The following GPC6 variants were observed in gnomAD, a reference collection of about 807,000 sequenced individuals.
The protein encoded by GPC6 is glypican 6.
GPC6 carries 14 observed loss-of-function variants against 55.2 expected under a neutral mutation model. The observed-to-expected ratio is 0.25, with a 90% CI of 0.17 to 0.40. GPC6 has a LOEUF of 0.40. Ranked by LOEUF, GPC6 falls within the 10% of genes least tolerant of loss-of-function variation. The probability of loss-of-function intolerance (pLI) is 1.00; values close to 1 mark genes in which losing one functional copy is unlikely to be tolerated. For synonymous variants in GPC6, 278 were observed against 259.6 expected (o/e 1.07, Z -0.68); for missense variants, 641 against 708.5 (o/e 0.90, Z 1.08).
chr13:93,972,331 G>A (rs1162752552), intron 3 of GPC6, among the ~76,000 whole-genome samples: 2 of 152,168 alleles, frequency 1.3e-5, no homozygotes, highest in Non-Finnish European at 2.9e-5. Context: ...AATAGGGATC[G>A]ACAGCCCTTG....
chr13:93,594,527 A>ATCTGAAACCCACCTACACTGTGTCT (rs1877640953), intron 2 of GPC6, among the ~76,000 whole-genome samples: 1 of 152,114 alleles, frequency 6.6e-6, no homozygotes, highest in South Asian at 2.1e-4. Flanking sequence ...GATATTAATC[A>ATCTGAAACCCACCTACACTGTGTCT]TCTGAAACCC....
At chr13:94,223,019 A>C (rs886960149) in intron 4 of GPC6, among the ~76,000 whole-genome samples, 7 of 152,148 alleles carry the variant, frequency 4.6e-5, no homozygotes, top group African/African-American at 1.4e-4. Flanking sequence ...AAATGAAGTA[A>C]ATTTGGGAAC....
intron 2 of GPC6, among the ~76,000 whole-genome samples, chr13:93,746,438 T>C (rs1884403366): frequency 6.6e-6 from 1 of 152,110 alleles, no homozygotes; most frequent in Non-Finnish European, 1.5e-5. Context: ...TGCTTTTCGG[T>C]AGAAATGTTG....
intron 4 of GPC6, among the ~76,000 whole-genome samples, chr13:94,165,677 T>C (rs148952021): frequency 6.6e-6 from 1 of 152,302 alleles, no homozygotes; most frequent in African/African-American, 2.4e-5. Context: ...CCATGAATGC[T>C]TTTGGGTCTT....
At chr13:93,947,375 C>T (rs751254158) in intron 3 of GPC6, among the ~76,000 whole-genome samples, 26 of 150,936 alleles carry the variant, frequency 1.7e-4, no homozygotes, top group Non-Finnish European at 2.8e-4. Flanking sequence ...AACCATCCAT[C>T]GGAAAAAAAA....
At chr13:94,323,151 C>A (rs1876927999) in intron 6 of GPC6, among the ~76,000 whole-genome samples, 1 of 152,140 alleles carries the variant, frequency 6.6e-6, no homozygotes, top group Non-Finnish European at 1.5e-5. Context: ...CTCTTCTCAT[C>A]CCTCCCAACC....
At chr13:94,367,929 T>A (rs1879355835) in intron 6 of GPC6, among the ~76,000 whole-genome samples, 1 of 151,828 alleles carries the variant, frequency 6.6e-6, no homozygotes, top group African/African-American at 2.4e-5. Context: ...GGCGGGCGGA[T>A]CATGAGGTCA....
intron 5 of GPC6, among the ~76,000 whole-genome samples, chr13:94,302,585 A>T (rs1317290460): frequency 6.6e-6 from 1 of 152,158 alleles, no homozygotes; most frequent in African/African-American, 2.4e-5. Flanking sequence ...TTCTCAGTAT[A>T]AGACTAATAC....
At chr13:93,905,853 C>T (rs182461602) in intron 3 of GPC6, among the ~76,000 whole-genome samples, 1 of 152,046 alleles carries the variant, frequency 6.6e-6, no homozygotes, top group Non-Finnish European at 1.5e-5. Flanking sequence ...TAGTGAAAGC[C>T]TGAGATAAAG....
At chr13:93,245,329 CCTTCCTT>C (rs1386865880) in intron 1 of GPC6, among the ~76,000 whole-genome samples, 2 of 152,148 alleles carry the variant, frequency 1.3e-5, no homozygotes, top group Non-Finnish European at 2.9e-5. Context: ...AGGGCACAGT[CCTTCCTT>C]CTTCTATTCT....
At chr13:93,987,060 A>G (rs1004596350) in intron 3 of GPC6, among the ~76,000 whole-genome samples, 2 of 152,128 alleles carry the variant, frequency 1.3e-5, no homozygotes, top group Non-Finnish European at 2.9e-5. Context: ...TTTTAAATCT[A>G]ACTTAACCTT....
chr13:93,763,372 G>A (rs569514321), intron 2 of GPC6, among the ~76,000 whole-genome samples: 1 of 152,268 alleles, frequency 6.6e-6, no homozygotes, highest in African/African-American at 2.4e-5. Context: ...CAATCAAAGG[G>A]CAAGGTGGTG....
At chr13:93,378,767 G>A (rs1045787044) in intron 1 of GPC6, among the ~76,000 whole-genome samples, 7 of 152,044 alleles carry the variant, frequency 4.6e-5, no homozygotes, top group South Asian at 2.1e-4. Context: ...AGGCCGCAGC[G>A]GGTGGATCAT....
intron 1 of GPC6, among the ~76,000 whole-genome samples, chr13:93,269,033 T>C (rs1877420293): frequency 6.6e-6 from 1 of 152,078 alleles, no homozygotes; most frequent in African/African-American, 2.4e-5. Context: ...CACACTTAGT[T>C]GAAACAAATA....
At chr13:94,257,934 T>G (rs1891552534) in intron 4 of GPC6, among the ~76,000 whole-genome samples, 1 of 152,166 alleles carries the variant, frequency 6.6e-6, no homozygotes, top group Non-Finnish European at 1.5e-5. Flanking sequence ...TCCTTAGCAT[T>G]AAGTACAAAT....
chr13:94,175,829 A>G (rs1322782478), intron 4 of GPC6, among the ~76,000 whole-genome samples: 1 of 148,352 alleles, frequency 6.7e-6, no homozygotes, highest in African/African-American at 2.4e-5. Context: ...ATATAAATAT[A>G]TACATGTGTA....
At chr13:93,387,635 A>G (rs1875459606) in intron 1 of GPC6, among the ~76,000 whole-genome samples, 1 of 152,254 alleles carries the variant, frequency 6.6e-6, no homozygotes, top group Admixed American at 6.5e-5. Flanking sequence ...TAGGATTGTC[A>G]GAAGATCAAA....
intron 1 of GPC6, among the ~76,000 whole-genome samples, chr13:93,378,263 C>T (rs1383226308): frequency 6.6e-6 from 1 of 152,104 alleles, no homozygotes; most frequent in Non-Finnish European, 1.5e-5. Flanking sequence ...AAGCATGAAA[C>T]ACCTTAGCAT....
At chr13:93,230,003 T>C (rs2138999602) in intron 1 of GPC6, among the ~76,000 whole-genome samples, 1 of 152,312 alleles carries the variant, frequency 6.6e-6, no homozygotes, top group African/African-American at 2.4e-5. Context: ...CCTCCCTAGT[T>C]CTTGATACTG....
Sources: gnomAD v4.1 joint callset for allele counts (sites outside exome capture counted in the v4.1 genomes callset) on GRCh38, gnomAD v4.1.1 for gene constraint, MANE v1.5 for transcripts, NCBI Gene and HGNC (gene_info 2026-07-23, HGNC 2026-07-21) for gene names.